Variants in ISCA1 observed in about 807,000 individuals in gnomAD.
ISCA1 encodes the protein iron-sulfur cluster assembly 1 homolog, mitochondrial.
A neutral mutation model predicts 14.7 loss-of-function variants in ISCA1; 9 were observed. The ratio of observed to expected loss-of-function variants is 0.61; its 90% CI spans 0.37 to 1.07. The LOEUF (loss-of-function observed/expected upper bound fraction) is 1.07. ISCA1 is among the 50% of genes least tolerant of loss of function. ISCA1 has a pLI of 0.01. For missense variants in ISCA1, 102 were observed against 150.1 expected (o/e 0.68, Z 1.67); for synonymous variants, 38 against 54.3 (o/e 0.70, Z 1.32).
Position 86,265,874 on chromosome 9 carries a change from C to G in ISCA1, c.*169G>C. 3 of 1,061,878 alleles carry G rather than the reference C, an allele frequency of 2.8e-6. No homozygotes were observed. Among genetic ancestry groups the G allele is most frequent in the Non-Finnish European group, 4.4e-6 (3 of 688,528 alleles). 65.8% of individuals were successfully genotyped at this position (1,061,878 alleles called of 1,614,324 possible). ...AGAGTGATGGCTTCTCATTTTCTGT[C>G]CCCTATAGAGAATATAAATATCATT... On this transcript the variant is annotated 3_prime_UTR_variant, in exon 4 of 4. Transcript: ENST00000375991.
intron 1 of ISCA1, among the ~76,000 whole-genome samples, chr9:86,276,321 T>A (rs747248977): frequency 3.3e-5 from 5 of 152,110 alleles, no homozygotes; most frequent in Non-Finnish European, 7.4e-5. Flanking sequence ...AATGCTTGGC[T>A]TGCCTGCTGC....
chr9:86,281,425 C>CGAAT (rs1825515810), intron 1 of ISCA1, among the ~76,000 whole-genome samples: 1 of 151,936 alleles, frequency 6.6e-6, no homozygotes, highest in South Asian at 2.1e-4. Flanking sequence ...AGTCTCTAAG[C>CGAAT]GAATGGTTGC....
At chr9:86,277,454 G>T (rs1357290052) in intron 1 of ISCA1, among the ~76,000 whole-genome samples, 1 of 152,134 alleles carries the variant, frequency 6.6e-6, no homozygotes, top group Non-Finnish European at 1.5e-5. Flanking sequence ...AAGGGAGAGT[G>T]GTTAAAAGGG....
At chr9:86,272,524 T>C (rs541450813) in intron 2 of ISCA1, among the ~76,000 whole-genome samples, 128 of 152,340 alleles carry the variant, frequency 8.4e-4, no homozygotes, top group Non-Finnish European at 6.9e-4. Context: ...AGCAAAAGAC[T>C]GCAGTCAATA....
At chr9:86,278,077 C>A (rs1344966940) in intron 1 of ISCA1, among the ~76,000 whole-genome samples, 1 of 152,120 alleles carries the variant, frequency 6.6e-6, no homozygotes, top group Non-Finnish European at 1.5e-5. Flanking sequence ...AAATTAAATT[C>A]AAAGCTAAAG....
At chr9:86,282,090 G>C (rs1825525517) in intron 1 of ISCA1, 3 of 456,748 alleles carry the variant, frequency 6.6e-6, no homozygotes, top group Non-Finnish European at 1.2e-5. Flanking sequence ...TCGGCCCCCG[G>C]GGACGCCCAC....
chr9:86,269,338 C>A (rs1382985429), intron 3 of ISCA1, among the ~76,000 whole-genome samples: 2 of 152,166 alleles, frequency 1.3e-5, no homozygotes, highest in African/African-American at 2.4e-5. Flanking sequence ...CTCCCATTCA[C>A]AATTGCTTCA....
chr9:86,272,546 A>T (rs1003899368), intron 2 of ISCA1, among the ~76,000 whole-genome samples: 1 of 152,236 alleles, frequency 6.6e-6, no homozygotes, highest in African/African-American at 2.4e-5. Flanking sequence ...AGACAAAAGA[A>T]GTTTAAAAAA....
intron 1 of ISCA1, among the ~76,000 whole-genome samples, chr9:86,279,906 G>A (rs973869159): frequency 6.6e-6 from 1 of 152,202 alleles, no homozygotes; most frequent in African/African-American, 2.4e-5. Context: ...CACCAACACA[G>A]GCTGTGTGGA....
Position 86,265,307 on chromosome 9 carries a change from T to C in ISCA1, c.*736A>G, listed in dbSNP as rs1422192471. 6.6e-5 allele frequency: 10 copies of C among 152,194 alleles called. No individual in the cohort carries two copies. Among genetic ancestry groups the C allele is most frequent in the African/African-American group, 2.4e-4 (10 of 41,422 alleles). 9.4% of individuals were successfully genotyped at this position (152,194 alleles called of 1,614,324 possible). On this transcript the variant is annotated 3_prime_UTR_variant, in exon 4 of 4. Coordinates refer to ENST00000375991, the MANE Select transcript of ISCA1 (RefSeq NM_030940.4). ...GGTGTCAGGGTGGACAGGAGCCCTT[T>C]GGCTTCCCTGGGGTTTTGCTTCCTC...
At chr9:86,266,573 C>A (rs926194660) in intron 3 of ISCA1, among the ~76,000 whole-genome samples, 1 of 151,972 alleles carries the variant, frequency 6.6e-6, no homozygotes, top group Non-Finnish European at 1.5e-5. Context: ...ACTAGATACA[C>A]GGATTCAAGC....
chr9:86,282,282 GT>G (rs1825530751), intron 1 of ISCA1, 95 bp downstream of exon 1: 14 of 1,340,240 alleles, frequency 1.0e-5, no homozygotes, highest in Non-Finnish European at 1.4e-5. Context: ...ACGTGTCCGC[GT>G]CCCTGCGGCC....
chr9:86,267,256 A>C (rs1447062618), intron 3 of ISCA1: 1 of 785,362 alleles, frequency 1.3e-6, no homozygotes, highest in Non-Finnish European at 1.5e-6. Flanking sequence ...AACAACAAAA[A>C]AACTTTCTTC....
intron 1 of ISCA1, among the ~76,000 whole-genome samples, chr9:86,280,212 CATTT>C (rs1199461920): frequency 2.0e-5 from 3 of 152,144 alleles, no homozygotes; most frequent in African/African-American, 7.2e-5. Context: ...ATAACTCATT[CATTT>C]GTCTTGAAAC....
intron 1 of ISCA1, among the ~76,000 whole-genome samples, chr9:86,278,443 C>T (rs941228683): frequency 4.0e-5 from 6 of 151,840 alleles, no homozygotes; most frequent in East Asian, 1.9e-4. Context: ...GGTGGGAGGA[C>T]GGCTTGAGGC....
chr9:86,282,296 A>T lies in ISCA1; in HGVS notation c.81+82T>A. 4 of 1,431,638 alleles carry T rather than the reference A, an allele frequency of 2.8e-6. No individual in the cohort carries two copies. In the East Asian group the frequency reaches 1.0e-4, roughly 36 times the overall value. 88.7% of individuals were successfully genotyped at this position (1,431,638 alleles called of 1,614,324 possible). The stretch of plus-strand genomic sequence containing the variant: ...GACGTGTCCGCGTCCCTGCGGCCCC[A>T]CTCCCGGCCGCCGTGACCTCCCCTT... On this transcript the variant is annotated intron_variant, in intron 1 of 3. Coordinates refer to ENST00000375991, the MANE Select transcript of ISCA1 (RefSeq NM_030940.4).
At chr9:86,274,940 C>T (rs563061813) in intron 1 of ISCA1, among the ~76,000 whole-genome samples, 2 of 152,248 alleles carry the variant, frequency 1.3e-5, no homozygotes, top group East Asian at 3.9e-4. Flanking sequence ...GCTCAGCGGG[C>T]CTCAAAATGA....
At chr9:86,280,746 T>C (rs1825501611) in intron 1 of ISCA1, among the ~76,000 whole-genome samples, 1 of 151,844 alleles carries the variant, frequency 6.6e-6, no homozygotes, top group Non-Finnish European at 1.5e-5. Context: ...GCCCAGGAGT[T>C]CGAGACCAGC....
chr9:86,281,282 G>C (rs747342417), intron 1 of ISCA1, among the ~76,000 whole-genome samples: 6 of 152,138 alleles, frequency 3.9e-5, no homozygotes, highest in Non-Finnish European at 8.8e-5. Flanking sequence ...CTAAAAAATT[G>C]ATTATAAAAA....
Sources: allele counts gnomAD v4.1 joint callset (sites outside exome capture counted in the v4.1 genomes callset), GRCh38; gene constraint gnomAD v4.1.1; transcripts MANE v1.5; gene names NCBI Gene and HGNC (gene_info 2026-07-23, HGNC 2026-07-21).